Variants in L3MBTL4 observed in about 807,000 individuals in gnomAD.
L3MBTL4 encodes the protein L3MBTL histone methyl-lysine binding protein 4.
A neutral mutation model predicts 84.5 loss-of-function variants in L3MBTL4; 70 were observed. That is an observed-to-expected ratio of 0.83 (90% CI 0.68 to 1.01). L3MBTL4 has a LOEUF of 1.01. Ranked by LOEUF, L3MBTL4 falls within the 50% of genes least tolerant of loss-of-function variation. L3MBTL4 has a pLI of 0.00. For missense variants in L3MBTL4, 715 were observed against 754.8 expected, an observed-to-expected ratio of 0.95 and a Z score of 0.62; for synonymous variants, 274 against 259.8, an observed-to-expected ratio of 1.05 and a Z score of -0.52.
In L3MBTL4 at chr18:6,311,540, GA is replaced by G; in HGVS notation, c.72+13del. 6.2e-7 allele frequency: 1 copy of G among 1,607,288 alleles called. No homozygotes were observed. The highest frequency in any genetic ancestry group is 1.3e-5 in the African/African-American group (1 of 74,838). ...CACACACTGTGAGGAAGGGTCCAGG[GA>G]TGGACATCTTACCAAGCGTCCGTCC... On this transcript the variant is annotated intron_variant, in intron 3 of 18. Transcript: ENST00000317931.
intron 1 of L3MBTL4, chr18:6,396,385 C>G (rs1302397601): frequency 6.5e-6 from 1 of 153,286 alleles, no homozygotes; most frequent in African/African-American, 2.4e-5. Flanking sequence ...GGCACAGCCC[C>G]TTCTGCAGCC....
At chr18:6,088,778 T>C (rs2143528971) in intron 15 of L3MBTL4, among the ~76,000 whole-genome samples, 1 of 152,328 alleles carries the variant, frequency 6.6e-6, no homozygotes, top group South Asian at 2.1e-4. Flanking sequence ...GCAGCCAAAA[T>C]AAACTAGTTG....
chr18:6,177,604 C>A (rs1248741420), intron 12 of L3MBTL4, among the ~76,000 whole-genome samples: 2 of 152,202 alleles, frequency 1.3e-5, no homozygotes, highest in Non-Finnish European at 2.9e-5. Flanking sequence ...TTATCATTTG[C>A]AAATTACATC....
rs142052735 is a variant in L3MBTL4 at position 6,301,874 on chromosome 18, C to T, written c.127+29G>A. 2.7e-4 allele frequency: 415 copies of T among 1,562,174 alleles called. 1 individual carries two copies. The African/African-American group carries it at 5.0e-3, about 19-fold the overall frequency. The stretch of plus-strand genomic sequence containing the variant: ...TCACTTAAAATTTGTTCACTGTGAA[C>T]TACCACTGTAAATATTGGTGATAAT... On this transcript the variant is annotated intron_variant, in intron 4 of 18. Transcript: ENST00000317931.
chr18:5,960,280 A>C, intron 17 of L3MBTL4, 124 bp from the exon 18 acceptor site: 1 of 412,810 alleles, frequency 2.4e-6, no homozygotes, highest in Non-Finnish European at 4.4e-6. Context: ...TTAAATAGTA[A>C]CTATCAAGTT....
chr18:6,083,705 G>A (rs778881666), intron 15 of L3MBTL4, among the ~76,000 whole-genome samples: 3 of 152,080 alleles, frequency 2.0e-5, no homozygotes, highest in Non-Finnish European at 2.9e-5. Flanking sequence ...TAATAGCTCC[G>A]GGCATCCTAA....
intron 13 of L3MBTL4, among the ~76,000 whole-genome samples, chr18:6,146,966 C>A (rs1162182600): frequency 1.3e-5 from 2 of 151,890 alleles, no homozygotes; most frequent in Non-Finnish European, 2.9e-5. Context: ...AGACAAATTT[C>A]TCCACTGACA....
chr18:6,141,870 T>C (rs535990002), intron 13 of L3MBTL4, among the ~76,000 whole-genome samples: 1 of 152,324 alleles, frequency 6.6e-6, no homozygotes, highest in Admixed American at 6.5e-5. Flanking sequence ...TCATTGCTGT[T>C]AGGATGAAAA....
chr18:6,018,894 A>T (rs1457202568), intron 16 of L3MBTL4, among the ~76,000 whole-genome samples: 1 of 152,222 alleles, frequency 6.6e-6, no homozygotes, highest in Non-Finnish European at 1.5e-5. Context: ...ACTTAACAAC[A>T]TCTCAGGGAC....
chr18:6,192,089 G>C (rs570687367), intron 12 of L3MBTL4, among the ~76,000 whole-genome samples: 2 of 152,102 alleles, frequency 1.3e-5, no homozygotes, highest in Non-Finnish European at 2.9e-5. Flanking sequence ...GAAGGTGTGT[G>C]AGAAGGAGCT....
intron 4 of L3MBTL4, among the ~76,000 whole-genome samples, chr18:6,285,809 A>ATATTATTATTAT (rs139613072): frequency 0.034 from 4,845 of 143,196 alleles, 199 homozygotes; most frequent in African/African-American, 0.095. Flanking sequence ...TTTAAAAGAT[A>ATATTATTATTAT]TATTATTATT....
intron 16 of L3MBTL4, among the ~76,000 whole-genome samples, chr18:5,984,421 C>T (rs188849507): frequency 7.0e-4 from 107 of 152,326 alleles, no homozygotes; most frequent in Admixed American, 3.9e-3. Context: ...AATGATTTCT[C>T]TTTAATGGCT....
chr18:6,326,153 C>T (rs1405043738), intron 1 of L3MBTL4, among the ~76,000 whole-genome samples: 1 of 152,152 alleles, frequency 6.6e-6, no homozygotes, highest in Non-Finnish European at 1.5e-5. Context: ...ATAAGCTGCG[C>T]CCTGGCATTT....
intron 15 of L3MBTL4, among the ~76,000 whole-genome samples, chr18:6,083,247 T>A (rs1453236482): frequency 1.3e-5 from 2 of 152,250 alleles, no homozygotes; most frequent in East Asian, 3.9e-4. Flanking sequence ...GCTGGGCCAG[T>A]GGGGTCTTCA....
chr18:5,961,638 A>T (rs563854382), intron 17 of L3MBTL4, among the ~76,000 whole-genome samples: 1 of 152,278 alleles, frequency 6.6e-6, no homozygotes, highest in African/African-American at 2.4e-5. Flanking sequence ...ATGCAAGGAC[A>T]CCTCCAAGCT....
intron 12 of L3MBTL4, among the ~76,000 whole-genome samples, chr18:6,188,562 G>A (rs79547063): frequency 0.019 from 2,832 of 152,330 alleles, 45 homozygotes; most frequent in Middle Eastern, 0.027. Flanking sequence ...TCCTAAGTGA[G>A]CAGAGAGATC....
chr18:6,149,955 C>T (rs1036191464), intron 13 of L3MBTL4, among the ~76,000 whole-genome samples: 2 of 152,128 alleles, frequency 1.3e-5, no homozygotes, highest in African/African-American at 4.8e-5. Context: ...CGTGTATACT[C>T]CTAAGTCCTA....
chr18:6,261,977 G>C (rs145413686), intron 5 of L3MBTL4, among the ~76,000 whole-genome samples: 1 of 152,144 alleles, frequency 6.6e-6, no homozygotes, highest in African/African-American at 2.4e-5. Context: ...GAGTGGGGGG[G>C]TGGGGTGTAA....
intron 1 of L3MBTL4, chr18:6,396,105 A>T (rs990331910): frequency 2.6e-5 from 4 of 152,272 alleles, no homozygotes; most frequent in Non-Finnish European, 4.4e-5. Flanking sequence ...GAAGCTAGCC[A>T]CATTCTGAAA....
Sources: gnomAD v4.1 joint callset for allele counts (sites outside exome capture counted in the v4.1 genomes callset) on GRCh38, gnomAD v4.1.1 for gene constraint, MANE v1.5 for transcripts, NCBI Gene and HGNC (gene_info 2026-07-23, HGNC 2026-07-21) for gene names.